Variants in PTPRN2 observed in about 807,000 individuals in gnomAD.
PTPRN2 encodes the protein protein tyrosine phosphatase receptor type N2.
In PTPRN2, 74 loss-of-function variants were observed where a neutral mutation model predicts 118.8. The ratio of observed to expected loss-of-function variants is 0.62; its 90% CI spans 0.52 to 0.76. PTPRN2 has a LOEUF of 0.76. Among genes scored for constraint, PTPRN2 ranks in the 30% least tolerant of loss-of-function variants. The probability of loss-of-function intolerance (pLI) is 0.00; values close to 1 mark genes in which losing one functional copy is unlikely to be tolerated. For missense variants in PTPRN2, 1,481 were observed against 1,394.4 expected, an observed-to-expected ratio of 1.06 and a Z score of -0.99; for synonymous variants, 641 against 608.0, an observed-to-expected ratio of 1.05 and a Z score of -0.80.
chr7:158,251,679 T>G lies in PTPRN2; in HGVS notation c.278-46406A>C, dbSNP rs202060933. The stretch of plus-strand genomic sequence containing the variant: ...ACAGGTGTGCAATGGATGTCTATGG[T>G]GCACGTGTGGTGTGTGCAGGTGTGC... On this transcript the variant is annotated intron_variant, in intron 3 of 22. Transcript: ENST00000389418. 3.5e-4 allele frequency among the ~76,000 whole-genome samples: 52 copies of G among 150,644 alleles called. No individual in the cohort carries two copies. The East Asian group carries it at 0.01, about 29-fold the overall frequency.
chr7:158,397,292 C>T (rs546479590), intron 2 of PTPRN2, among the ~76,000 whole-genome samples: 1 of 152,232 alleles, frequency 6.6e-6, no homozygotes, highest in Non-Finnish European at 1.5e-5. Context: ...CTGCAGAGAA[C>T]CACATGAGCT....
At chr7:158,430,501 C>A (rs552014803) in intron 2 of PTPRN2, among the ~76,000 whole-genome samples, 5 of 152,250 alleles carry the variant, frequency 3.3e-5, no homozygotes, top group African/African-American at 4.8e-5. Context: ...GGGCCTCGCA[C>A]GGCTCAGCGC....
chr7:158,141,450 C>T (rs1000878566), intron 6 of PTPRN2, among the ~76,000 whole-genome samples: 5 of 152,190 alleles, frequency 3.3e-5, no homozygotes, highest in South Asian at 2.1e-4. Flanking sequence ...TCACTGCATA[C>T]GCAGGACAGG....
chr7:158,012,440 A>G (rs1032692421), intron 11 of PTPRN2, among the ~76,000 whole-genome samples: 1 of 152,220 alleles, frequency 6.6e-6, no homozygotes, highest in Non-Finnish European at 1.5e-5. Context: ...AGGAGTAACA[A>G]ATCTGTATGG....
chr7:158,450,507 A>G (rs1397835759), intron 2 of PTPRN2, among the ~76,000 whole-genome samples: 1 of 152,218 alleles, frequency 6.6e-6, no homozygotes, highest in Non-Finnish European at 1.5e-5. Context: ...CTCAAGAAAT[A>G]GTCCCGCCAG....
At chr7:157,562,249 C>A (rs1407212418) in intron 21 of PTPRN2, among the ~76,000 whole-genome samples, 1 of 152,186 alleles carries the variant, frequency 6.6e-6, no homozygotes, top group African/African-American at 2.4e-5. Context: ...TTACTGACTG[C>A]TGTGTGACAC....
At chr7:157,623,282 G>T (rs1169058594) in intron 14 of PTPRN2, among the ~76,000 whole-genome samples, 20 of 152,224 alleles carry the variant, frequency 1.3e-4, no homozygotes. Flanking sequence ...GAGGTTGATA[G>T]TTATGGTGAA....
At chr7:157,932,664 ACT>A (rs1799430173) in intron 11 of PTPRN2, among the ~76,000 whole-genome samples, 1 of 148,760 alleles carries the variant, frequency 6.7e-6, no homozygotes, top group South Asian at 2.2e-4. Flanking sequence ...GGGGTGAGTC[ACT>A]CTGATTGACA....
intron 11 of PTPRN2, among the ~76,000 whole-genome samples, chr7:157,940,537 T>C (rs1187991833): frequency 7.3e-6 from 1 of 136,106 alleles, no homozygotes; most frequent in African/African-American, 2.9e-5. Context: ...CCCTCCCCTG[T>C]GACACTGCAA....
chr7:157,682,229 C>T (rs978396004), intron 13 of PTPRN2, among the ~76,000 whole-genome samples: 1 of 152,086 alleles, frequency 6.6e-6, no homozygotes, highest in Non-Finnish European at 1.5e-5. Context: ...CATGGGGACG[C>T]GTGTGGGTCA....
At chr7:158,131,530 TACAC>T (rs796300272) in intron 9 of PTPRN2, among the ~76,000 whole-genome samples, 14 of 138,728 alleles carry the variant, frequency 1.0e-4, no homozygotes, top group South Asian at 2.3e-4. Flanking sequence ...CACACACTCA[TACAC>T]ACACACGGGT....
intron 12 of PTPRN2, among the ~76,000 whole-genome samples, chr7:157,731,109 C>G (rs1799873783): frequency 6.6e-6 from 1 of 152,134 alleles, no homozygotes; most frequent in Admixed American, 6.5e-5. Flanking sequence ...ACAGCAGGCT[C>G]CTTTACGACT....
chr7:158,476,370 C>A (rs1820263546), intron 2 of PTPRN2, among the ~76,000 whole-genome samples: 2 of 152,216 alleles, frequency 1.3e-5, no homozygotes, highest in South Asian at 4.1e-4. Flanking sequence ...CAAAGCCACA[C>A]CAGATAGCAC....
In PTPRN2 at chr7:158,237,835, A is replaced by G. The variant is rs112760553; in HGVS notation, c.278-32562T>C. On this transcript the variant is annotated intron_variant, in intron 3 of 22. Coordinates refer to ENST00000389418, the MANE Select transcript of PTPRN2 (RefSeq NM_002847.5). The stretch of plus-strand genomic sequence containing the variant: ...CGTTTCCTGCTCCCCCTCTTTCTGA[A>G]CACCCCCCGGCAGACACAGCGCTTA... Among the ~76,000 whole-genome samples, 356 of 151,614 alleles carry G rather than the reference A, an allele frequency of 2.3e-3. 4 individuals carry two copies. Among genetic ancestry groups the G allele is most frequent in the African/African-American group, 8.4e-3 (345 of 41,306 alleles).
At position 157,891,316 on chromosome 7, in the gene PTPRN2, CAG is replaced by C. The variant is rs1002201290; in HGVS notation, c.1788+7355_1788+7356del. Among the ~76,000 whole-genome samples the C allele has an allele frequency of 2.6e-3, 403 of 152,228 alleles. 4 individuals carry two copies. Among genetic ancestry groups the C allele is most frequent in the African/African-American group, 9.2e-3 (381 of 41,526 alleles). On this transcript the variant is annotated intron_variant, in intron 12 of 22. Coordinates refer to ENST00000389418, the MANE Select transcript of PTPRN2 (RefSeq NM_002847.5). ...AGACAGGAAATGACAGGGTGGAAGT[CAG>C]GGGGAAATGAAGCTGGTTTCGAACA...
intron 8 of PTPRN2, among the ~76,000 whole-genome samples, chr7:158,135,302 T>G (rs1393700159): frequency 1.3e-5 from 2 of 152,192 alleles, no homozygotes; most frequent in African/African-American, 2.4e-5. Flanking sequence ...TTTTTAAAAT[T>G]TAAACAAAAT....
At position 158,114,506 on chromosome 7, in the gene PTPRN2, G is replaced by A. The variant is rs150230514; in HGVS notation, c.1557-3591C>T. Among the ~76,000 whole-genome samples the A allele has an allele frequency of 2.1e-3, 325 of 152,340 alleles. 1 individual carries two copies. The highest frequency in any genetic ancestry group is 6.9e-3 in the African/African-American group (288 of 41,586). On this transcript the variant is annotated intron_variant, in intron 9 of 22. Transcript: ENST00000389418. Reference sequence around the variant, plus strand: ...TTGGGAGGGATGTGGAAGACGTGCCGCGGGAATGCTCTACTCTTCATCTAA... The same window carrying A: ...TTGGGAGGGATGTGGAAGACGTGCCACGGGAATGCTCTACTCTTCATCTAA...
At chr7:158,341,570 C>A (rs1168335678) in intron 2 of PTPRN2, among the ~76,000 whole-genome samples, 2 of 112,198 alleles carry the variant, frequency 1.8e-5, no homozygotes, top group South Asian at 8.1e-4. Context: ...CACACCCACA[C>A]TCTCACCATA....
Position 158,393,384 on chromosome 7 carries a change from C to T in PTPRN2, c.164-76452G>A, listed in dbSNP as rs1210110472. On this transcript the variant is annotated intron_variant, in intron 2 of 22. Coordinates refer to ENST00000389418, the MANE Select transcript of PTPRN2 (RefSeq NM_002847.5). ...CCTTAAACATCATCACCAGGGGGCA[C>T]GTCGGAGGGACTTCGCTCTGGGAGA... Among the ~76,000 whole-genome samples, 8 of 152,210 alleles carry T rather than the reference C, an allele frequency of 5.3e-5. No individual in the cohort carries two copies. The East Asian group carries it at 7.7e-4, about 15-fold the overall frequency.
Sources: allele counts gnomAD v4.1 joint callset (sites outside exome capture counted in the v4.1 genomes callset), GRCh38; gene constraint gnomAD v4.1.1; transcripts MANE v1.5; gene names NCBI Gene and HGNC (gene_info 2026-07-23, HGNC 2026-07-21).